The following CTNNA2 variants were observed in gnomAD, a reference collection of about 807,000 sequenced individuals.
CTNNA2 encodes the protein catenin alpha-2.
In CTNNA2, 42 loss-of-function variants were observed where a neutral mutation model predicts 101.0. The observed-to-expected ratio is 0.42, with a 90% CI of 0.32 to 0.54. The LOEUF (loss-of-function observed/expected upper bound fraction) is 0.54, where lower values mean the gene tolerates loss of function less well. Among genes scored for constraint, CTNNA2 ranks in the 20% least tolerant of loss-of-function variants. CTNNA2 has a pLI of 0.14. For synonymous variants in CTNNA2, 450 were observed against 456.4 expected (o/e 0.99, Z 0.18); for missense variants, 871 against 1,223.1 (o/e 0.71, Z 4.29).
intron 3 of CTNNA2, among the ~76,000 whole-genome samples, chr2:79,847,635 C>T (rs570989844): frequency 1.1e-4 from 17 of 150,376 alleles, no homozygotes; most frequent in African/African-American, 1.5e-4. Flanking sequence ...GAGGTCACAC[C>T]TGGATTTTGC....
chr2:79,904,651 A>G (rs921430899), intron 6 of CTNNA2, among the ~76,000 whole-genome samples: 2 of 152,162 alleles, frequency 1.3e-5, no homozygotes, highest in Non-Finnish European at 2.9e-5. Context: ...TCCCTATTCA[A>G]TAAGATGGGA....
intron 1 of CTNNA2, among the ~76,000 whole-genome samples, chr2:79,543,284 G>A (rs1196707231): frequency 2.6e-5 from 4 of 152,116 alleles, no homozygotes; most frequent in Non-Finnish European, 5.9e-5. Flanking sequence ...AAAAGACAAA[G>A]CAATCGTTAT....
intron 1 of CTNNA2, among the ~76,000 whole-genome samples, chr2:79,189,707 C>G (rs907508918): frequency 1.3e-5 from 2 of 152,126 alleles, no homozygotes; most frequent in Non-Finnish European, 2.9e-5. Context: ...GAAAGGCACC[C>G]TCTGGAGTTA....
chr2:79,238,266 G>A (rs1572993650), intron 2 of CTNNA2, among the ~76,000 whole-genome samples: 1 of 152,180 alleles, frequency 6.6e-6, no homozygotes, highest in Non-Finnish European at 1.5e-5. Context: ...CCATAGAGCA[G>A]TCGGAACACA....
At chr2:79,730,112 G>C (rs565924440) in intron 2 of CTNNA2, among the ~76,000 whole-genome samples, 4 of 152,070 alleles carry the variant, frequency 2.6e-5, no homozygotes, top group Non-Finnish European at 5.9e-5. Flanking sequence ...TAAACCACAA[G>C]TGTCGGACAA....
intron 14 of CTNNA2, among the ~76,000 whole-genome samples, chr2:80,587,286 A>G (rs61327286): frequency 0.017 from 2,514 of 152,276 alleles, 81 homozygotes; most frequent in African/African-American, 0.057. Context: ...ATAAGGAATC[A>G]TAACAATCTT....
Position 80,614,730 on chromosome 2 carries a change from G to A in CTNNA2, c.2431-4355G>A, listed in dbSNP as rs546305586. Among the ~76,000 whole-genome samples, 5 of 151,440 alleles carry A rather than the reference G, an allele frequency of 3.3e-5. No homozygotes were observed. The South Asian group carries it at 8.3e-4, about 25-fold the overall frequency. On this transcript the variant is annotated intron_variant, in intron 17 of 18. Transcript: ENST00000402739. ...TTTCAAATTATTATTGCTTTGAGAAGTGTCTTAAAAGCTACCCTCTCCCCA... is the reference window on the plus strand; with the variant it reads ...TTTCAAATTATTATTGCTTTGAGAAATGTCTTAAAAGCTACCCTCTCCCCA...
chr2:80,057,522 A>G (rs1349590787), intron 7 of CTNNA2, among the ~76,000 whole-genome samples: 1 of 152,144 alleles, frequency 6.6e-6, no homozygotes, highest in African/African-American at 2.4e-5. Flanking sequence ...AGCTCTGATG[A>G]TGACCCTTGC....
rs577927544 is a variant in CTNNA2 at position 79,274,220 on chromosome 2, CCTCA to C, written c.-405-38486_-405-38483del. On this transcript the variant is annotated intron_variant, in intron 2 of 21. Coordinates refer to the CTNNA2 transcript ENST00000466387. ...AATCAGCTCTCTTGAAAGAACTCAACCTCACTATTTTAAAGATGAGGAAACAGGC... is the reference window on the plus strand; with the variant it reads ...AATCAGCTCTCTTGAAAGAACTCAACCTATTTTAAAGATGAGGAAACAGGC... 4.0e-3 allele frequency among the ~76,000 whole-genome samples: 605 copies of C among 152,082 alleles called. 3 individuals are homozygous for C. The highest frequency in any genetic ancestry group is 6.8e-3 in the Non-Finnish European group (462 of 67,948).
At chr2:80,148,509 G>T (rs900051720) in intron 7 of CTNNA2, among the ~76,000 whole-genome samples, 3 of 152,204 alleles carry the variant, frequency 2.0e-5, no homozygotes, top group Admixed American at 6.5e-5. Context: ...TGTGCACTGT[G>T]GGGCAATGCA....
At chr2:79,994,368 A>T (rs890860003) in intron 7 of CTNNA2, among the ~76,000 whole-genome samples, 1 of 152,130 alleles carries the variant, frequency 6.6e-6, no homozygotes, top group African/African-American at 2.4e-5. Flanking sequence ...AACTTCCTGA[A>T]TTTACCTGCT....
chr2:79,791,997 ATAAAAT>A (rs2105256611), intron 3 of CTNNA2, among the ~76,000 whole-genome samples: 1 of 152,354 alleles, frequency 6.6e-6, no homozygotes, highest in South Asian at 2.1e-4. Context: ...TCAGGTGTAA[ATAAAAT>A]TAAATAATAT....
chr2:80,267,786 G>A (rs916063068), intron 7 of CTNNA2, among the ~76,000 whole-genome samples: 3 of 152,220 alleles, frequency 2.0e-5, no homozygotes, highest in Non-Finnish European at 2.9e-5. Flanking sequence ...TCTCAGATGA[G>A]TGGACAGAGG....
intron 7 of CTNNA2, among the ~76,000 whole-genome samples, chr2:79,910,641 G>C (rs1326067650): frequency 1.3e-5 from 2 of 152,264 alleles, no homozygotes; most frequent in Non-Finnish European, 2.9e-5. Flanking sequence ...GTGAGGTCTC[G>C]ATATTACATT....
At chr2:79,545,458 A>G (rs968637842) in intron 1 of CTNNA2, among the ~76,000 whole-genome samples, 2 of 152,188 alleles carry the variant, frequency 1.3e-5, no homozygotes, top group Non-Finnish European at 2.9e-5. Context: ...GTATATGCCA[A>G]CTGTTACACG....
chr2:80,136,609 T>C (rs556114608), intron 7 of CTNNA2, among the ~76,000 whole-genome samples: 38 of 152,318 alleles, frequency 2.5e-4, no homozygotes, highest in African/African-American at 8.7e-4. Context: ...ATTTTGCTAC[T>C]GTGGACACTT....
At chr2:80,377,301 T>G (rs558943263) in intron 7 of CTNNA2, among the ~76,000 whole-genome samples, 4 of 152,210 alleles carry the variant, frequency 2.6e-5, no homozygotes, top group Admixed American at 1.3e-4. Context: ...TGCCTTTCCT[T>G]AGGAAGCTTA....
chr2:80,119,266 T>A (rs1217928734), intron 7 of CTNNA2, among the ~76,000 whole-genome samples: 1 of 152,166 alleles, frequency 6.6e-6, no homozygotes, highest in Non-Finnish European at 1.5e-5. Context: ...CAGACAGATA[T>A]CAGATTTCTC....
chr2:80,417,024 G>C (rs185143030), intron 8 of CTNNA2, among the ~76,000 whole-genome samples: 1 of 151,698 alleles, frequency 6.6e-6, no homozygotes, highest in Admixed American at 6.6e-5. Context: ...TTTCCCCCTC[G>C]TTTTTCTTTA....
Sources: gnomAD v4.1 joint callset for allele counts (sites outside exome capture counted in the v4.1 genomes callset) on GRCh38, gnomAD v4.1.1 for gene constraint, MANE v1.5 for transcripts, NCBI Gene and HGNC (gene_info 2026-07-23, HGNC 2026-07-21) for gene names.